WEE1: variants seen among roughly 807,000 people sequenced by gnomAD.
The protein encoded by WEE1 is WEE1 G2 checkpoint kinase.
A neutral mutation model predicts 68.8 loss-of-function variants in WEE1; 16 were observed. The ratio of observed to expected loss-of-function variants is 0.23; its 90% CI spans 0.16 to 0.35. The LOEUF (loss-of-function observed/expected upper bound fraction) is 0.35, where lower values mean the gene tolerates loss of function less well. WEE1 is among the 10% of genes least tolerant of loss of function. WEE1 has a pLI of 1.00. For synonymous variants in WEE1, 349 were observed against 318.7 expected (o/e 1.09, Z -1.01); for missense variants, 651 against 824.1 (o/e 0.79, Z 2.57).
In WEE1 at chr11:9,586,507, C is replaced by T; in HGVS notation, c.1529C>T (p.Ala510Val). Residue 510 changes from alanine (A) to valine (V), a missense_variant, in exon 9 of 11, where the codon GCT (alanine) becomes GTT (valine). By Grantham distance (64) the Ala-to-Val change is moderately conservative. Transcript: ENST00000450114. The part of the protein sequence containing the change: ...IFALALTVVC[A>V]AGAEPLPRNG... ...GCGCTTGCCCTCACAGTGGTATGTGCTGCTGGTGCTGAACCTCTTCCGAGA... is the reference window on the plus strand; with the variant it reads ...GCGCTTGCCCTCACAGTGGTATGTGTTGCTGGTGCTGAACCTCTTCCGAGA... 6.2e-7 allele frequency: 1 copy of T among 1,614,102 alleles called. No homozygotes were observed. Among genetic ancestry groups the T allele is most frequent in the Non-Finnish European group, 8.5e-7 (1 of 1,179,976 alleles).
At chr11:9,583,759 G>GCACACACACACACACA (rs1412609889) in intron 6 of WEE1, among the ~76,000 whole-genome samples, 1 of 41,640 alleles carries the variant, frequency 2.4e-5, no homozygotes, top group Non-Finnish European at 5.0e-5. Flanking sequence ...GTGCACGCGC[G>GCACACACACACACACA]CGCACACACA....
At chr11:9,578,546 A>G (rs959838454) in intron 5 of WEE1, 4 of 152,104 alleles carry the variant, frequency 2.6e-5, no homozygotes, top group East Asian at 1.9e-4. Flanking sequence ...CTTAACCTTC[A>G]TTTTTCAGGT....
chr11:9,575,820 G>A, intron 1 of WEE1, 68 bp from the exon 2 acceptor site: 3 of 1,419,848 alleles, frequency 2.1e-6, no homozygotes, highest in South Asian at 1.2e-5. Context: ...CTCGTTGAAG[G>A]TTAGGTTGAG....
In WEE1 at chr11:9,581,655, T is replaced by C; in HGVS notation, c.1265T>C (p.Leu422Ser). The C allele has an allele frequency of 6.2e-7, 1 of 1,612,812 alleles. No individual in the cohort carries two copies. Among genetic ancestry groups the C allele is most frequent in the African/African-American group, 1.3e-5 (1 of 74,980 alleles). The change falls in exon 6 of 11, where the codon TTG becomes TCG. Residue 422 changes from leucine (L) to serine (S), a missense_variant. Coordinates refer to ENST00000450114, the MANE Select transcript of WEE1 (RefSeq NM_003390.4). Reference sequence around the variant, plus strand: ...TTGAGGTATATTCATTCAATGTCTTTGGTTCACATGGATATAAAACCTAGT... The same window carrying C: ...TTGAGGTATATTCATTCAATGTCTTCGGTTCACATGGATATAAAACCTAGT... The part of the protein sequence containing the change: ...RGLRYIHSMS[L>S]VHMDIKPSNI...
At chr11:9,584,531 A>T (rs1462181483) in intron 6 of WEE1, among the ~76,000 whole-genome samples, 1 of 152,220 alleles carries the variant, frequency 6.6e-6, no homozygotes, top group Non-Finnish European at 1.5e-5. Flanking sequence ...TGAAGAAAAA[A>T]GGTAATGTGT....
At position 9,574,113 on chromosome 11, in the gene WEE1, G is replaced by T; in HGVS notation, c.180G>T (p.Ser60=). Residue 60 remains serine, a synonymous_variant, in exon 1 of 11, where the codon TCG becomes TCT. Coordinates refer to ENST00000450114, the MANE Select transcript of WEE1 (RefSeq NM_003390.4). This position sits in a 1 kb window ranked among gnomAD's most constrained non-coding sequence, Gnocchi z 4.9. ...ACTCGGCCTTTCAAGAGCCCGACTC[G>T]CCGCTGCCGCCCGCGCGGAGCCCCA... ...GEDSAFQEPD[S]PLPPARSPTE... is the part of the protein sequence containing the mutation. 2 of 1,216,890 alleles carry T rather than the reference G, an allele frequency of 1.6e-6. No individual in the cohort carries two copies. Among genetic ancestry groups the T allele is most frequent in the Non-Finnish European group, 2.0e-6 (2 of 978,494 alleles). The allele number at this position is 1,216,890 out of a possible 1,614,324, so 75.4% of individuals were successfully genotyped here.
Position 9,586,553 on chromosome 11 carries a change from A to G in WEE1, c.1575A>G (p.Glu525=), listed in dbSNP as rs1398330713. ...PLPRNGDQWH[E]IRQGRLPRIP... ...CGAGAAATGGAGATCAATGGCATGAAATCAGACAGGGTAGATTACCTCGGA... is the reference window on the plus strand; with the variant it reads ...CGAGAAATGGAGATCAATGGCATGAGATCAGACAGGGTAGATTACCTCGGA... The change falls in exon 9 of 11, where the codon GAA becomes GAG. Residue 525 remains glutamate (E), a synonymous_variant. Coordinates refer to ENST00000450114, the MANE Select transcript of WEE1 (RefSeq NM_003390.4). The G allele has an allele frequency of 6.2e-7, 1 of 1,614,076 alleles. No individual in the cohort carries two copies. Among genetic ancestry groups the G allele is most frequent in the Admixed American group, 1.7e-5 (1 of 60,006 alleles).
At chr11:9,587,198 C>T (rs548813897) in intron 10 of WEE1, among the ~76,000 whole-genome samples, 54 of 152,266 alleles carry the variant, frequency 3.5e-4, no homozygotes, top group Middle Eastern at 3.4e-3. Context: ...TGGGCTCAAA[C>T]CATCCACCTG....
chr11:9,580,744 C>G (rs1169619640), intron 5 of WEE1: 1 of 152,192 alleles, frequency 6.6e-6, no homozygotes, highest in Non-Finnish European at 1.5e-5. Flanking sequence ...GCGTGAGCCA[C>G]TGTGCCCAGC....
rs1448985005 is a variant in WEE1, at chr11:9,581,546, G to A, written c.1156G>A (p.Asp386Asn). Reference protein sequence around the residue: ...NEYCNGGSLADAISENYRIMS... With the variant: ...NEYCNGGSLANAISENYRIMS... The stretch of plus-strand genomic sequence containing the variant: ...ATCTTTGTTAGGTGGAAGTTTAGCT[G>A]ATGCTATAAGTGAAAACTACAGAAT... The change falls in exon 6 of 11, where the codon GAT becomes AAT. Residue 386 changes from aspartate (D) to asparagine (N), a missense_variant. By Grantham distance (23) the Asp-to-Asn change is conservative. Coordinates refer to ENST00000450114, the MANE Select transcript of WEE1 (RefSeq NM_003390.4). 3 of 1,595,482 alleles carry A rather than the reference G, an allele frequency of 1.9e-6. No homozygotes were observed. The highest frequency in any genetic ancestry group is 1.1e-5 in the South Asian group (1 of 87,942).
chr11:9,576,306 T>G lies in WEE1; in HGVS notation c.846+13T>G. 6.6e-7 allele frequency: 1 copy of G among 1,524,484 alleles called. No individual in the cohort carries two copies. The highest frequency in any genetic ancestry group is 8.9e-7 in the Non-Finnish European group (1 of 1,128,946). 94.4% of individuals were successfully genotyped at this position (1,524,484 alleles called of 1,614,324 possible). A position where few individuals can be genotyped will look rare whatever the true frequency, so the allele number is the denominator to read the frequency against. On this transcript the variant is annotated intron_variant, in intron 3 of 10. Coordinates refer to ENST00000450114, the MANE Select transcript of WEE1 (RefSeq NM_003390.4). The surrounding 1 kb of genome is among the most constrained non-coding windows in gnomAD (Gnocchi z 4.3). ...AAGACCTGCTAAGGTAAATAGCTTTTTATTTTTATTTTTTTGAAATTTACT... is the reference window on the plus strand; with the variant it reads ...AAGACCTGCTAAGGTAAATAGCTTTGTATTTTTATTTTTTTGAAATTTACT...
chr11:9,573,945 G>A lies in WEE1; in HGVS notation c.12G>A (p.Leu4=). 1 of 1,288,712 alleles carries A rather than the reference G, an allele frequency of 7.8e-7. No homozygotes were observed. Among genetic ancestry groups the A allele is most frequent in the South Asian group, 2.3e-5 (1 of 42,746 alleles). The allele number at this position is 1,288,712 out of a possible 1,614,324, so 79.8% of individuals were successfully genotyped here. A position where few individuals can be genotyped will look rare whatever the true frequency, so the allele number is the denominator to read the frequency against. ...TCCCCAGGGCCGCGATGAGCTTCCT[G>A]AGCCGACAGCAGCCGCCGCCACCCC... MSF[L]SRQQPPPPRR... Residue 4 remains leucine, a synonymous_variant, in exon 1 of 11, where the codon CTG becomes CTA. Transcript: ENST00000450114.
chr11:9,574,946 AG>A lies in WEE1; in HGVS notation c.576+438del. ...GGCGGCGCGGGCAGAAGGAGTTTAA[AG>A]AAAAATAATTGTCCCGCCCTGATCG... is the stretch of plus-strand genomic sequence containing the variant. On this transcript the variant is annotated intron_variant, in intron 1 of 10. Transcript: ENST00000450114. This position sits in a 1 kb window ranked among gnomAD's most constrained non-coding sequence, Gnocchi z 4.9. The A allele has an allele frequency of 1.0e-6, 1 of 985,678 alleles. No individual in the cohort carries two copies. The highest frequency in any genetic ancestry group is 1.2e-6 in the Non-Finnish European group (1 of 830,084). The allele number at this position is 985,678 out of a possible 1,614,324, so 61.1% of individuals were successfully genotyped here. A position where few individuals can be genotyped will look rare whatever the true frequency, so the allele number is the denominator to read the frequency against.
chr11:9,589,897 T>A lies in WEE1; in HGVS notation c.*1295T>A. On this transcript the variant is annotated 3_prime_UTR_variant, in exon 11 of 11. Coordinates refer to ENST00000450114, the MANE Select transcript of WEE1 (RefSeq NM_003390.4). ...TTGAATATGAATATCACATTGCATG[T>A]TATGCATGTGACTTGCTAGAAATGT... 1 of 180,464 alleles carries A rather than the reference T, an allele frequency of 5.5e-6. No homozygotes were observed. 11.2% of individuals were successfully genotyped at this position (180,464 alleles called of 1,614,324 possible).
rs764235421 is a variant in WEE1, at chr11:9,576,203, T to C, written c.783-27T>C. 16 of 1,560,242 alleles carry C rather than the reference T, an allele frequency of 1.0e-5. No individual in the cohort carries two copies. Among genetic ancestry groups the C allele is most frequent in the East Asian group, 9.4e-5 (4 of 42,614 alleles). ...GGCATGGATGTATCTGTCAGATATA[T>C]TGATAGAAAAATAACATTTTTTTTA... On this transcript the variant is annotated intron_variant, in intron 2 of 10. Coordinates refer to ENST00000450114, the MANE Select transcript of WEE1 (RefSeq NM_003390.4). This position sits in a 1 kb window ranked among gnomAD's most constrained non-coding sequence, Gnocchi z 4.3.
chr11:9,583,307 C>T (rs1215223119), intron 6 of WEE1, among the ~76,000 whole-genome samples: 7 of 145,830 alleles, frequency 4.8e-5, no homozygotes, highest in Middle Eastern at 3.9e-3. Flanking sequence ...AGTGAGACTC[C>T]GTCTCAAAAA....
At chr11:9,586,227 T>C (rs1849698251) in intron 8 of WEE1, among the ~76,000 whole-genome samples, 1 of 152,204 alleles carries the variant, frequency 6.6e-6, no homozygotes, top group South Asian at 2.1e-4. Context: ...TACTCTTATC[T>C]ATGTGTTTGC....
At chr11:9,577,404 G>A (rs1229960019) in intron 5 of WEE1, 141 bp downstream of exon 5, 5 of 1,112,362 alleles carry the variant, frequency 4.5e-6, no homozygotes, top group Non-Finnish European at 6.3e-6. Context: ...TAAATTTCAA[G>A]TACAAGGTTA....
intron 6 of WEE1, 44 bp from the exon 7 acceptor site, chr11:9,585,214 T>G (rs1011921375): frequency 1.7e-5 from 24 of 1,421,906 alleles, no homozygotes; most frequent in African/African-American, 2.8e-5. Context: ...TGAACTCTGG[T>G]TTTATTATTA....
Sources: allele counts gnomAD v4.1 joint callset (sites outside exome capture counted in the v4.1 genomes callset), GRCh38; gene constraint gnomAD v4.1.1; non-coding constraint Gnocchi (gnomAD v3.1); transcripts MANE v1.5; gene names NCBI Gene and HGNC (gene_info 2026-07-23, HGNC 2026-07-21).